The following ELMO1 variants were observed in gnomAD, a reference collection of about 807,000 sequenced individuals.
The protein encoded by ELMO1 is engulfment and cell motility protein 1.
A neutral mutation model predicts 98.9 loss-of-function variants in ELMO1; 26 were observed. The observed-to-expected ratio is 0.26, with a 90% CI of 0.19 to 0.36. The LOEUF (loss-of-function observed/expected upper bound fraction) is 0.36, where lower values mean the gene tolerates loss of function less well. ELMO1 is among the 10% of genes least tolerant of loss of function. The pLI is 1.00. For missense variants in ELMO1, 627 were observed against 935.2 expected (o/e 0.67, Z 4.30); for synonymous variants, 346 against 346.0 (o/e 1.00, Z 0.00).
At chr7:36,868,101 T>G (rs1289060700) in intron 20 of ELMO1, among the ~76,000 whole-genome samples, 1 of 152,202 alleles carries the variant, frequency 6.6e-6, no homozygotes, top group African/African-American at 2.4e-5. Flanking sequence ...CCAAGGGAAG[T>G]TGAAGTCTCC....
chr7:37,340,831 C>CT (rs888573868), intron 2 of ELMO1, among the ~76,000 whole-genome samples: 2 of 152,210 alleles, frequency 1.3e-5, no homozygotes, highest in Admixed American at 6.5e-5. Flanking sequence ...GGAGGACTGT[C>CT]TATCAAGAGC....
intron 16 of ELMO1, among the ~76,000 whole-genome samples, chr7:36,941,939 C>CTAAG (rs1787076507): frequency 6.6e-6 from 1 of 152,212 alleles, no homozygotes; most frequent in Non-Finnish European, 1.5e-5. Context: ...ATTCTGCTTC[C>CTAAG]TAAGCCTTTC....
At chr7:37,100,855 C>A (rs1333579677) in intron 14 of ELMO1, among the ~76,000 whole-genome samples, 1 of 152,212 alleles carries the variant, frequency 6.6e-6, no homozygotes, top group Non-Finnish European at 1.5e-5. Flanking sequence ...TGACCTTGGA[C>A]AAAGGTGCCG....
chr7:37,447,895 G>A (rs1282007439), intron 1 of ELMO1, among the ~76,000 whole-genome samples: 1 of 151,732 alleles, frequency 6.6e-6, no homozygotes, highest in African/African-American at 2.4e-5. Flanking sequence ...CGATTCCCGG[G>A]CCCCCTGGCA....
At chr7:37,066,400 A>C (rs928831080) in intron 15 of ELMO1, among the ~76,000 whole-genome samples, 3 of 152,172 alleles carry the variant, frequency 2.0e-5, no homozygotes, top group African/African-American at 7.2e-5. Context: ...CTCTCTCAGC[A>C]CGAAGTGATT....
At chr7:36,884,357 AAATT>A (rs1804742176) in intron 18 of ELMO1, among the ~76,000 whole-genome samples, 1 of 152,134 alleles carries the variant, frequency 6.6e-6, no homozygotes, top group Non-Finnish European at 1.5e-5. Context: ...CTACGAGCTA[AAATT>A]AATAGCAAAC....
intron 1 of ELMO1, chr7:37,375,908 A>G: frequency 3.0e-6 from 2 of 663,276 alleles, no homozygotes; most frequent in East Asian, 5.6e-5. Flanking sequence ...ACGTGCAGAC[A>G]TAGTGCTGCT....
At chr7:37,055,823 A>T (rs996564804) in intron 15 of ELMO1, among the ~76,000 whole-genome samples, 16 of 152,258 alleles carry the variant, frequency 1.1e-4, no homozygotes, top group African/African-American at 3.8e-4. Flanking sequence ...CGCACCCTGG[A>T]GTTACACCAT....
chr7:36,927,709 G>A (rs749065216), intron 16 of ELMO1, among the ~76,000 whole-genome samples: 31 of 152,294 alleles, frequency 2.0e-4, no homozygotes, highest in Non-Finnish European at 4.0e-4. Flanking sequence ...TTTGTTTTTG[G>A]TAAAACACAT....
chr7:37,081,441 T>C (rs1049534752), intron 15 of ELMO1, among the ~76,000 whole-genome samples: 1 of 152,208 alleles, frequency 6.6e-6, no homozygotes, highest in African/African-American at 2.4e-5. Flanking sequence ...GTACAGTATA[T>C]GTGATATGGT....
At chr7:37,187,616 A>G (rs553971730) in intron 13 of ELMO1, among the ~76,000 whole-genome samples, 106 of 152,122 alleles carry the variant, frequency 7.0e-4, no homozygotes, top group Middle Eastern at 3.4e-3. Context: ...AGATATTACT[A>G]TAACCAGTTT....
In ELMO1 at chr7:36,975,875, A is replaced by G. The variant is rs1790496722; in HGVS notation, c.1437+37424T>C. ...AAAAAAAAAAAAAAGATAAAATTGT[A>G]TGTCATCTTTTCAATATATAGTTGA... On this transcript the variant is annotated intron_variant, in intron 16 of 21. Coordinates refer to ENST00000310758, the MANE Select transcript of ELMO1 (RefSeq NM_014800.11). 4.0e-5 allele frequency among the ~76,000 whole-genome samples: 6 copies of G among 150,402 alleles called. 1 individual carries two copies. Among genetic ancestry groups the G allele is most frequent in the Admixed American group, 4.0e-4 (6 of 15,084 alleles).
At chr7:37,369,150 T>A (rs983817407) in intron 1 of ELMO1, among the ~76,000 whole-genome samples, 16 of 152,320 alleles carry the variant, frequency 1.1e-4, no homozygotes, top group Admixed American at 9.1e-4. Flanking sequence ...ACATTTATAG[T>A]CTGGAGGACT....
intron 15 of ELMO1, among the ~76,000 whole-genome samples, chr7:37,057,395 T>C (rs972344953): frequency 6.6e-6 from 1 of 152,200 alleles, no homozygotes; most frequent in East Asian, 1.9e-4. Context: ...CTGCCCTTTG[T>C]GGGGTAGATG....
At chr7:37,134,430 G>A (rs544631140) in intron 13 of ELMO1, among the ~76,000 whole-genome samples, 59 of 151,912 alleles carry the variant, frequency 3.9e-4, no homozygotes, top group Non-Finnish European at 5.0e-4. Context: ...GTGGTGGCGC[G>A]CGCCTGTAAT....
At chr7:36,911,610 G>T (rs1026117448) in intron 16 of ELMO1, among the ~76,000 whole-genome samples, 6 of 152,166 alleles carry the variant, frequency 3.9e-5, no homozygotes, top group African/African-American at 7.2e-5. Flanking sequence ...ACAGAGAAAT[G>T]ATGCTGTTAT....
chr7:37,232,902 T>A (rs769983211), intron 8 of ELMO1, among the ~76,000 whole-genome samples, 193 bp downstream of exon 8: 4 of 152,232 alleles, frequency 2.6e-5, no homozygotes, highest in Non-Finnish European at 5.9e-5. Flanking sequence ...CAATCCCTTA[T>A]AATCTCTTAC....
chr7:37,213,059 G>A (rs1793069561), intron 12 of ELMO1, among the ~76,000 whole-genome samples: 1 of 152,126 alleles, frequency 6.6e-6, no homozygotes, highest in African/African-American at 2.4e-5. Context: ...TTGGGGCCAG[G>A]AGCTAAAGTC....
chr7:37,152,311 C>A (rs191289282), intron 13 of ELMO1, among the ~76,000 whole-genome samples: 92 of 152,252 alleles, frequency 6.0e-4, no homozygotes, highest in African/African-American at 1.9e-3. Context: ...ACGAACGCTG[C>A]CCTGAGCTGC....
Sources: allele counts gnomAD v4.1 joint callset (sites outside exome capture counted in the v4.1 genomes callset), GRCh38; gene constraint gnomAD v4.1.1; transcripts MANE v1.5; gene names NCBI Gene and HGNC (gene_info 2026-07-23, HGNC 2026-07-21).